The following ADAM12 variants were observed in gnomAD, a reference collection of about 807,000 sequenced individuals.
ADAM12 encodes disintegrin and metalloproteinase domain-containing protein 12.
In ADAM12, 70 loss-of-function variants were observed where a neutral mutation model predicts 106.4. That is an observed-to-expected ratio of 0.66 (90% CI 0.54 to 0.80). ADAM12 has a LOEUF of 0.80. ADAM12 is among the 30% of genes least tolerant of loss of function. The pLI is 0.00. For synonymous variants in ADAM12, 420 were observed against 433.5 expected (o/e 0.97, Z 0.39); for missense variants, 1,010 against 1,171.9 (o/e 0.86, Z 2.02).
intron 3 of ADAM12, among the ~76,000 whole-genome samples, chr10:126,242,232 T>C (rs1341255576): frequency 1.3e-5 from 2 of 152,260 alleles, no homozygotes; most frequent in Non-Finnish European, 2.9e-5. Flanking sequence ...GTTTTAAGAC[T>C]GTTTTCTCCC....
intron 5 of ADAM12, among the ~76,000 whole-genome samples, chr10:126,126,156 C>A (rs2133648580): frequency 6.6e-6 from 1 of 152,266 alleles, no homozygotes; most frequent in Middle Eastern, 3.4e-3. Flanking sequence ...GCCAAGATGT[C>A]CCAGTTGGGA....
intron 3 of ADAM12, among the ~76,000 whole-genome samples, chr10:126,196,897 G>C (rs1264140128): frequency 1.3e-5 from 2 of 152,186 alleles, no homozygotes; most frequent in Non-Finnish European, 2.9e-5. Flanking sequence ...GTCAGTCAGG[G>C]AAAATCAGGG....
In ADAM12 at chr10:126,041,872, T is replaced by C. The variant is rs568407147; in HGVS notation, c.2104+1168A>G. ...GCCTGCCAGAGTGGTAACCTGCTACTCTCTCAGGAGCAGCACTGAAGCATG... is the reference window on the plus strand; with the variant it reads ...GCCTGCCAGAGTGGTAACCTGCTACCCTCTCAGGAGCAGCACTGAAGCATG... On this transcript the variant is annotated intron_variant, in intron 18 of 22. Transcript: ENST00000448723. 1.1e-5 allele frequency: 14 copies of C among 1,325,106 alleles called. No individual in the cohort carries two copies. In the East Asian group the frequency reaches 4.3e-4, roughly 40 times the overall value. 82.1% of individuals were successfully genotyped at this position (1,325,106 alleles called of 1,614,324 possible). A position where few individuals can be genotyped will look rare whatever the true frequency, so the allele number is the denominator to read the frequency against.
chr10:126,169,913 C>A (rs922906003), intron 3 of ADAM12, among the ~76,000 whole-genome samples: 1 of 152,216 alleles, frequency 6.6e-6, no homozygotes, highest in African/African-American at 2.4e-5. Context: ...ATCTCAGAGT[C>A]TTCTGATGTA....
chr10:126,206,110 C>G (rs1957790105), intron 3 of ADAM12, among the ~76,000 whole-genome samples: 1 of 152,136 alleles, frequency 6.6e-6, no homozygotes, highest in African/African-American at 2.4e-5. Flanking sequence ...CTGGGTCTAA[C>G]CTGAACTCAA....
At chr10:126,304,537 A>C (rs997641052) in intron 2 of ADAM12, among the ~76,000 whole-genome samples, 1 of 152,144 alleles carries the variant, frequency 6.6e-6, no homozygotes, top group African/African-American at 2.4e-5. Flanking sequence ...TATAAGTATA[A>C]CAATGCATAT....
intron 11 of ADAM12, among the ~76,000 whole-genome samples, chr10:126,092,248 C>T (rs1231553047): frequency 2.6e-5 from 4 of 152,208 alleles, no homozygotes; most frequent in African/African-American, 7.2e-5. Context: ...AAATTAGACA[C>T]ACAGTGCATT....
At chr10:126,204,064 G>A (rs768669062) in intron 3 of ADAM12, among the ~76,000 whole-genome samples, 4 of 152,210 alleles carry the variant, frequency 2.6e-5, no homozygotes, top group Non-Finnish European at 5.9e-5. Context: ...ATGCAAGGCT[G>A]CCAGTGGCGA....
chr10:126,231,973 T>C (rs11244894), intron 3 of ADAM12, among the ~76,000 whole-genome samples: 53,672 of 151,964 alleles, frequency 0.35, 9,653 homozygotes, highest in South Asian at 0.5. Context: ...CATTTCTACT[T>C]GAATGTCCAG....
At chr10:126,186,970 C>T (rs943399015) in intron 3 of ADAM12, among the ~76,000 whole-genome samples, 1 of 152,172 alleles carries the variant, frequency 6.6e-6, no homozygotes, top group African/African-American at 2.4e-5. Flanking sequence ...TTCCTGAGGA[C>T]ACACAGTCAC....
intron 3 of ADAM12, among the ~76,000 whole-genome samples, chr10:126,270,065 TGTTAAG>T (rs941998356): frequency 3.3e-5 from 5 of 152,222 alleles, no homozygotes; most frequent in Non-Finnish European, 5.9e-5. Flanking sequence ...AGATCTTAAA[TGTTAAG>T]GTTGAGAGAT....
chr10:126,235,278 C>T lies in ADAM12; in HGVS notation c.260+43637G>A, dbSNP rs528831559. On this transcript the variant is annotated intron_variant, in intron 3 of 22. Coordinates refer to ENST00000448723, the MANE Select transcript of ADAM12 (RefSeq NM_001288973.2). ...GACCACGGCCTTGAGGGAGAGTGGG[C>T]TTAGTCACCGGATGAACCTCAGGCC... Among the ~76,000 whole-genome samples the T allele has an allele frequency of 3.3e-5, 5 of 152,324 alleles. No homozygotes were observed. The East Asian group carries it at 7.7e-4, about 24-fold the overall frequency.
chr10:126,277,926 T>C (rs915546555), intron 3 of ADAM12, among the ~76,000 whole-genome samples: 2 of 152,192 alleles, frequency 1.3e-5, no homozygotes, highest in African/African-American at 4.8e-5. Flanking sequence ...CTGTCTTGCT[T>C]AAAATGCTCA....
rs200935508 is a variant in ADAM12, at chr10:126,132,533, CCCT to C, written c.416+3048_416+3050del. On this transcript the variant is annotated intron_variant, in intron 5 of 22. Coordinates refer to ENST00000448723, the MANE Select transcript of ADAM12 (RefSeq NM_001288973.2). ...GGAGTGCTGCATGAACACCCCCCCC[CCCT>C]CAACTAGTCCAGTCCCAGAATCAAA... Among the ~76,000 whole-genome samples the C allele has an allele frequency of 4.9e-3, 698 of 142,370 alleles. 10 individuals carry two copies. Among genetic ancestry groups the C allele is most frequent in the African/African-American group, 0.016 (611 of 38,528 alleles). 93.4% of individuals were successfully genotyped at this position (142,370 alleles called of 152,430 possible). A position where few individuals can be genotyped will look rare whatever the true frequency, so the allele number is the denominator to read the frequency against.
intron 2 of ADAM12, among the ~76,000 whole-genome samples, chr10:126,312,525 T>C (rs1251068926): frequency 1.3e-5 from 2 of 151,960 alleles, no homozygotes; most frequent in Non-Finnish European, 2.9e-5. Context: ...GAGATATGGA[T>C]GCCGTGTGGT....
chr10:126,269,707 C>T (rs1173005178), intron 3 of ADAM12, among the ~76,000 whole-genome samples: 2 of 152,134 alleles, frequency 1.3e-5, no homozygotes, highest in Non-Finnish European at 1.5e-5. Context: ...GGAGGATTTT[C>T]GTCAGAAAAC....
chr10:126,354,613 C>CT (rs1036569171), intron 1 of ADAM12, among the ~76,000 whole-genome samples: 8 of 152,098 alleles, frequency 5.3e-5, no homozygotes, highest in African/African-American at 1.2e-4. Context: ...TCATCATTAG[C>CT]TTTTTTTAAA....
intron 3 of ADAM12, among the ~76,000 whole-genome samples, chr10:126,173,463 G>A (rs1433743758): frequency 1.3e-5 from 2 of 151,986 alleles, no homozygotes; most frequent in Non-Finnish European, 2.9e-5. Flanking sequence ...AGGGTGTTTA[G>A]CAATATCCCT....
intron 5 of ADAM12, among the ~76,000 whole-genome samples, chr10:126,125,723 GA>G (rs961401524): frequency 9.9e-5 from 15 of 151,956 alleles, no homozygotes; most frequent in African/African-American, 2.2e-4. Context: ...CTGTGAACGT[GA>G]CCTTATTGCG....
Sources: gnomAD v4.1 joint callset for allele counts (sites outside exome capture counted in the v4.1 genomes callset) on GRCh38, gnomAD v4.1.1 for gene constraint, MANE v1.5 for transcripts, NCBI Gene and HGNC (gene_info 2026-07-23, HGNC 2026-07-21) for gene names.